The following ZBTB20 variants were observed in gnomAD, a reference collection of about 807,000 sequenced individuals.
The protein encoded by ZBTB20 is zinc finger and BTB domain containing 20.
ZBTB20 carries 9 observed loss-of-function variants against 56.9 expected under a neutral mutation model. The observed-to-expected ratio is 0.16, with a 90% CI of 0.10 to 0.28. ZBTB20 has a LOEUF of 0.28. Ranked by LOEUF, ZBTB20 falls within the 10% of genes least tolerant of loss-of-function variation. ZBTB20 has a pLI of 1.00. For missense variants in ZBTB20, 655 were observed against 1,003.0 expected, an observed-to-expected ratio of 0.65 and a Z score of 4.69; for synonymous variants, 417 against 420.7, an observed-to-expected ratio of 0.99 and a Z score of 0.11.
At chr3:115,012,677 A>G (rs2079774749) in intron 2 of ZBTB20, among the ~76,000 whole-genome samples, 1 of 151,842 alleles carries the variant, frequency 6.6e-6, no homozygotes, top group African/African-American at 2.4e-5. Flanking sequence ...GAAAATCCAT[A>G]AAGAAACTTC....
chr3:114,511,311 A>C (rs1173952730), intron 6 of ZBTB20, among the ~76,000 whole-genome samples: 1 of 152,160 alleles, frequency 6.6e-6, no homozygotes, highest in Non-Finnish European at 1.5e-5. Flanking sequence ...AAGAATCATC[A>C]TATTGTAAGT....
intron 6 of ZBTB20, among the ~76,000 whole-genome samples, chr3:114,561,820 C>T (rs1350162389): frequency 2.6e-5 from 4 of 152,072 alleles, no homozygotes; most frequent in Non-Finnish European, 5.9e-5. Context: ...TCCTTTGATG[C>T]TTTGAAACCA....
At chr3:114,923,507 C>G (rs927080223) in intron 3 of ZBTB20, among the ~76,000 whole-genome samples, 2 of 152,164 alleles carry the variant, frequency 1.3e-5, no homozygotes. Context: ...TTTGGGGAAA[C>G]TGGATACTCA....
At chr3:114,971,160 G>A (rs1465857527) in intron 3 of ZBTB20, among the ~76,000 whole-genome samples, 3 of 152,178 alleles carry the variant, frequency 2.0e-5, no homozygotes, top group Non-Finnish European at 4.4e-5. Flanking sequence ...TTTGTTGGAT[G>A]AGAGATATTC....
intron 7 of ZBTB20, among the ~76,000 whole-genome samples, chr3:114,420,035 A>G (rs2088992553): frequency 6.6e-6 from 1 of 152,128 alleles, no homozygotes; most frequent in Non-Finnish European, 1.5e-5. Flanking sequence ...GTCCCAATGG[A>G]CTTCTCCTTG....
rs972916436 is a variant in ZBTB20 at position 114,338,423 on chromosome 3, C to T, written c.*582G>A. 1.3e-5 allele frequency: 2 copies of T among 152,140 alleles called. No homozygotes were observed. The highest frequency in any genetic ancestry group is 4.8e-5 in the African/African-American group (2 of 41,422). The allele number at this position is 152,140 out of a possible 1,614,324, so 9.4% of individuals were successfully genotyped here. A position where few individuals can be genotyped will look rare whatever the true frequency, so the allele number is the denominator to read the frequency against. On this transcript the variant is annotated 3_prime_UTR_variant, in exon 12 of 12. Transcript: ENST00000675478. ...ACCGAACCCACTGCCCTTCCCACCC[C>T]CACAGCCCTTTTATGAAATCAGACA... is the stretch of plus-strand genomic sequence containing the variant.
At chr3:114,823,861 G>A (rs1212827090) in intron 4 of ZBTB20, among the ~76,000 whole-genome samples, 1 of 151,822 alleles carries the variant, frequency 6.6e-6, no homozygotes, top group Non-Finnish European at 1.5e-5. Flanking sequence ...AACACCATAC[G>A]TGATTAAAAC....
At chr3:114,907,255 G>A (rs1265547607) in intron 3 of ZBTB20, among the ~76,000 whole-genome samples, 1 of 151,790 alleles carries the variant, frequency 6.6e-6, no homozygotes, top group Non-Finnish European at 1.5e-5. Flanking sequence ...TCATCAGACA[G>A]TGGCTACCAA....
intron 7 of ZBTB20, among the ~76,000 whole-genome samples, chr3:114,406,960 A>G (rs2733402): frequency 0.042 from 6,334 of 152,152 alleles, 436 homozygotes; most frequent in African/African-American, 0.14. Context: ...ATTTTTTTCT[A>G]TGATACAGGG....
chr3:115,114,052 A>G (rs1189227690), intron 1 of ZBTB20, among the ~76,000 whole-genome samples: 1 of 152,184 alleles, frequency 6.6e-6, no homozygotes. Context: ...GCAGCAATAG[A>G]TATTTTAAAA....
In ZBTB20 at chr3:114,338,964, G is replaced by T. The variant is rs1576218361; in HGVS notation, c.*41C>A. 1 of 1,455,736 alleles carries T rather than the reference G, an allele frequency of 6.9e-7. No individual in the cohort carries two copies. Among genetic ancestry groups the T allele is most frequent in the Non-Finnish European group, 9.1e-7 (1 of 1,098,318 alleles). The allele number at this position is 1,455,736 out of a possible 1,614,324, so 90.2% of individuals were successfully genotyped here. ...CTTTTTTGTTTGTTTGTTTTTTGTTGTTGTTTTGTTTTGTTCATAAGAAAG... is the reference window on the plus strand; with the variant it reads ...CTTTTTTGTTTGTTTGTTTTTTGTTTTTGTTTTGTTTTGTTCATAAGAAAG... On this transcript the variant is annotated 3_prime_UTR_variant, in exon 12 of 12. Transcript: ENST00000675478.
chr3:114,955,397 A>G (rs1024272120), intron 3 of ZBTB20, among the ~76,000 whole-genome samples: 1 of 152,166 alleles, frequency 6.6e-6, no homozygotes, highest in Non-Finnish European at 1.5e-5. Flanking sequence ...TTCTCTCCAC[A>G]TTGTTTGCAT....
intron 6 of ZBTB20, among the ~76,000 whole-genome samples, chr3:114,547,354 T>C (rs555678135): frequency 6.6e-6 from 1 of 152,306 alleles, no homozygotes; most frequent in Non-Finnish European, 1.5e-5. Context: ...AGAAAGGAGA[T>C]AAGGGGCCAC....
intron 1 of ZBTB20, among the ~76,000 whole-genome samples, chr3:115,103,456 T>C (rs937176027): frequency 6.6e-6 from 1 of 152,158 alleles, no homozygotes; most frequent in African/African-American, 2.4e-5. Context: ...GGACTTACTA[T>C]AAAGCTACAG....
At chr3:114,401,389 C>A (rs1158845150) in intron 7 of ZBTB20, among the ~76,000 whole-genome samples, 1 of 152,112 alleles carries the variant, frequency 6.6e-6, no homozygotes, top group Non-Finnish European at 1.5e-5. Context: ...ACCCCCAAAA[C>A]AGAGTGGGGT....
At chr3:114,433,008 T>G (rs1559782624) in intron 7 of ZBTB20, among the ~76,000 whole-genome samples, 1 of 152,296 alleles carries the variant, frequency 6.6e-6, no homozygotes, top group Non-Finnish European at 1.5e-5. Context: ...AACCATTTGG[T>G]GTGCTGGGAT....
chr3:114,934,625 CTCTT>C (rs1576365286), intron 3 of ZBTB20, among the ~76,000 whole-genome samples: 1 of 152,072 alleles, frequency 6.6e-6, no homozygotes, highest in South Asian at 2.1e-4. Context: ...GTGGCCCTTC[CTCTT>C]TCTATCTTTT....
rs548051183 is a variant in ZBTB20 at position 114,633,961 on chromosome 3, A to G, written c.-295+59567T>C. ...ACACATCTCAGTTTTGAAGGCATCA[A>G]ATTATAAGCTATTTGCATGAAGGAA... On this transcript the variant is annotated intron_variant, in intron 6 of 11. Coordinates refer to ENST00000675478, the MANE Select transcript of ZBTB20 (RefSeq NM_001348800.3). Among the ~76,000 whole-genome samples the G allele has an allele frequency of 9.8e-5, 15 of 152,306 alleles. 1 individual carries two copies. In the South Asian group the frequency reaches 3.1e-3, roughly 32 times the overall value.
chr3:114,943,608 C>T (rs567189239), intron 3 of ZBTB20, among the ~76,000 whole-genome samples: 11 of 144,942 alleles, frequency 7.6e-5, no homozygotes, highest in Non-Finnish European at 1.6e-4. Context: ...GCCAGTTAGA[C>T]ACAACAGAAG....
Sources: allele counts gnomAD v4.1 joint callset (sites outside exome capture counted in the v4.1 genomes callset), GRCh38; gene constraint gnomAD v4.1.1; transcripts MANE v1.5; gene names NCBI Gene and HGNC (gene_info 2026-07-23, HGNC 2026-07-21).